Variants in MAGOHB observed in about 807,000 individuals in gnomAD.
The protein encoded by MAGOHB is protein mago nashi homolog 2.
A neutral mutation model predicts 20.9 loss-of-function variants in MAGOHB; 15 were observed. The ratio of observed to expected loss-of-function variants is 0.72; its 90% CI spans 0.48 to 1.11. The LOEUF (loss-of-function observed/expected upper bound fraction) is 1.11. MAGOHB is among the 50% of genes least tolerant of loss of function. The probability of loss-of-function intolerance (pLI) is 0.00; values close to 1 mark genes in which losing one functional copy is unlikely to be tolerated. For missense variants in MAGOHB, 162 were observed against 177.6 expected (o/e 0.91, Z 0.50); for synonymous variants, 50 against 57.9 (o/e 0.86, Z 0.62).
rs1865656374 is a variant in MAGOHB at position 10,607,839 on chromosome 12, CT to C, written c.347+14del. On this transcript the variant is annotated intron_variant, in intron 4 of 4. Transcript: ENST00000320756. ...TAATAATGAAAACTTCGCCAAAATG[CT>C]TTAACATACTTACTTTGACTGATTT... is the stretch of plus-strand genomic sequence containing the variant. 6.7e-7 allele frequency: 1 copy of C among 1,489,102 alleles called. No homozygotes were observed. The highest frequency in any genetic ancestry group is 1.4e-5 in the African/African-American group (1 of 71,012). 92.2% of individuals were successfully genotyped at this position (1,489,102 alleles called of 1,614,324 possible). A position where few individuals can be genotyped will look rare whatever the true frequency, so the allele number is the denominator to read the frequency against.
downstream of MAGOHB, among the ~76,000 whole-genome samples, chr12:10,603,207 C>A (rs898144188): frequency 1.3e-5 from 2 of 151,270 alleles, no homozygotes; most frequent in Admixed American, 1.3e-4. Context: ...CCAGCTACTC[C>A]GGAGGCTGAG....
At position 10,613,047 on chromosome 12, in the gene MAGOHB, C is replaced by T. The variant is rs901926282; in HGVS notation, c.94+392G>A. 28 of 873,622 alleles carry T rather than the reference C, an allele frequency of 3.2e-5. No homozygotes were observed. The African/African-American group carries it at 4.7e-4, about 15-fold the overall frequency. 54.1% of individuals were successfully genotyped at this position (873,622 alleles called of 1,614,324 possible). A position where few individuals can be genotyped will look rare whatever the true frequency, so the allele number is the denominator to read the frequency against. On this transcript the variant is annotated intron_variant, in intron 1 of 4. Coordinates refer to ENST00000320756, the MANE Select transcript of MAGOHB (RefSeq NM_018048.5). ...TTCTCATTTGTTAACACGTTGGGCT[C>T]CTCCCCTTCAAAGAAAACACACAGC... is the stretch of plus-strand genomic sequence containing the variant.
rs946333608 is a variant in MAGOHB at position 10,612,360 on chromosome 12, T to C, written c.94+1079A>G. On this transcript the variant is annotated intron_variant, in intron 1 of 4. Coordinates refer to ENST00000320756, the MANE Select transcript of MAGOHB (RefSeq NM_018048.5). Reference sequence around the variant, plus strand: ...TTGCAGTGAGCTGAGATCGTGCCACTGCACTCAGATCTGGGTGACAGAGTG... The same window carrying C: ...TTGCAGTGAGCTGAGATCGTGCCACCGCACTCAGATCTGGGTGACAGAGTG... Among the ~76,000 whole-genome samples the C allele has an allele frequency of 6.6e-4, 100 of 152,058 alleles. 1 individual carries two copies. The highest frequency in any genetic ancestry group is 2.4e-3 in the African/African-American group (98 of 41,498).
rs1376204596 is a variant in MAGOHB, at chr12:10,610,602, GACATTC to G, written c.153+14_153+19del. Reference sequence around the variant, plus strand: ...CAAAAAAAAAAAAAAAAAAAAAAAAGACATTCACATAGAACTTACCTCTTTTCTGAT... The same window carrying G: ...CAAAAAAAAAAAAAAAAAAAAAAAAGACATAGAACTTACCTCTTTTCTGAT... On this transcript the variant is annotated intron_variant, in intron 2 of 4. Transcript: ENST00000320756. The G allele has an allele frequency of 1.1e-6, 1 of 881,130 alleles. No homozygotes were observed. The highest frequency in any genetic ancestry group is 3.2e-5 in the African/African-American group (1 of 31,368). The allele number at this position is 881,130 out of a possible 1,614,324, so 54.6% of individuals were successfully genotyped here. A position where few individuals can be genotyped will look rare whatever the true frequency, so the allele number is the denominator to read the frequency against.
chr12:10,611,668 A>G (rs1865740012), intron 1 of MAGOHB, among the ~76,000 whole-genome samples: 3 of 149,324 alleles, frequency 2.0e-5, no homozygotes, highest in Non-Finnish European at 4.4e-5. Flanking sequence ...GAATCGCTTC[A>G]ATCCACGAGG....
In MAGOHB at chr12:10,604,736, A is replaced by G. The variant is rs1865594059; in HGVS notation, c.*1539T>C. Reference sequence around the variant, plus strand: ...CTGGAACAGAAACATTTTACATACAAAAGACCTGAAGATGATAGCGTACTT... The same window carrying G: ...CTGGAACAGAAACATTTTACATACAGAAGACCTGAAGATGATAGCGTACTT... On this transcript the variant is annotated 3_prime_UTR_variant, in exon 5 of 5. Transcript: ENST00000320756. The G allele has an allele frequency of 6.6e-6, 1 of 152,208 alleles. No homozygotes were observed. The highest frequency in any genetic ancestry group is 6.5e-5 in the Admixed American group (1 of 15,280). The allele number at this position is 152,208 out of a possible 1,614,324, so 9.4% of individuals were successfully genotyped here. A position where few individuals can be genotyped will look rare whatever the true frequency, so the allele number is the denominator to read the frequency against.
chr12:10,612,191 ATAAC>A (rs1202437510), intron 1 of MAGOHB, among the ~76,000 whole-genome samples: 8 of 11,724 alleles, frequency 6.8e-4, no homozygotes, highest in African/African-American at 1.6e-3. Context: ...TCTACAAAAA[ATAAC>A]ATAACATAAC....
rs138238887 is a variant in MAGOHB, at chr12:10,612,246, A to AT, written c.94+1192dup. ...ATAACATAACATAACATAACATAAC[A>AT]TAATTAGCTGGGTGAGGTGGCGTGG... is the stretch of plus-strand genomic sequence containing the variant. On this transcript the variant is annotated intron_variant, in intron 1 of 4. Transcript: ENST00000320756. 2.9e-3 allele frequency among the ~76,000 whole-genome samples: 398 copies of AT among 137,972 alleles called. 1 individual carries two copies. The highest frequency in any genetic ancestry group is 5.2e-3 in the Non-Finnish European group (323 of 62,160). 90.5% of individuals were successfully genotyped at this position (137,972 alleles called of 152,430 possible). A position where few individuals can be genotyped will look rare whatever the true frequency, so the allele number is the denominator to read the frequency against.
chr12:10,609,658 G>C, intron 3 of MAGOHB, 173 bp downstream of exon 3: 1 of 586,286 alleles, frequency 1.7e-6, no homozygotes, highest in Non-Finnish European at 3.0e-6. Flanking sequence ...TCACTACTAG[G>C]AGGTAGCACA....
chr12:10,609,980 T>G, intron 2 of MAGOHB, 39 bp from the exon 3 acceptor site: 1 of 1,138,706 alleles, frequency 8.8e-7, no homozygotes, highest in Non-Finnish European at 1.3e-6. Context: ...AATGCCCACC[T>G]ATGTCACCCC....
downstream of MAGOHB, among the ~76,000 whole-genome samples, chr12:10,600,012 GTCTC>G (rs147760550): frequency 0.021 from 3,213 of 152,102 alleles, 40 homozygotes; most frequent in Non-Finnish European, 0.031. Context: ...TTAAATAACA[GTCTC>G]TCTGTTGGAA....
At position 10,609,811 on chromosome 12, in the gene MAGOHB, A is replaced by G; in HGVS notation, c.264+20T>C. ...TCAATTTTTAATATTTATACACTTA[A>G]AGAATCACTAAATACAAACCTGTCG... On this transcript the variant is annotated intron_variant, in intron 3 of 4. Coordinates refer to ENST00000320756, the MANE Select transcript of MAGOHB (RefSeq NM_018048.5). The G allele has an allele frequency of 7.0e-7, 1 of 1,428,334 alleles. No homozygotes were observed. Among genetic ancestry groups the G allele is most frequent in the Non-Finnish European group, 9.9e-7 (1 of 1,015,140 alleles). 88.5% of individuals were successfully genotyped at this position (1,428,334 alleles called of 1,614,324 possible). A position where few individuals can be genotyped will look rare whatever the true frequency, so the allele number is the denominator to read the frequency against.
At position 10,604,744 on chromosome 12, in the gene MAGOHB, G is replaced by A. The variant is rs1304978613; in HGVS notation, c.*1531C>T. On this transcript the variant is annotated 3_prime_UTR_variant, in exon 5 of 5. Transcript: ENST00000320756. ...GAAACATTTTACATACAAAAGACCT[G>A]AAGATGATAGCGTACTTGCATAATG... The A allele has an allele frequency of 1.3e-5, 2 of 152,168 alleles. No individual in the cohort carries two copies. The highest frequency in any genetic ancestry group is 2.9e-5 in the Non-Finnish European group (2 of 68,022). The allele number at this position is 152,168 out of a possible 1,614,324, so 9.4% of individuals were successfully genotyped here.
downstream of MAGOHB, chr12:10,599,672 TG>T (rs528607208): frequency 2.0e-5 from 3 of 152,206 alleles, no homozygotes; most frequent in Non-Finnish European, 2.9e-5. Flanking sequence ...CAAAATTTTC[TG>T]CCCCACCTCT....
rs1445492544 is a variant in MAGOHB at position 10,607,947 on chromosome 12, T to C, written c.265-11A>G. On this transcript the variant is annotated splice_polypyrimidine_tract_variant and intron_variant, in intron 3 of 4. Transcript: ENST00000320756. ...TACAATTTCAAGCTCCTAAAAAATA[T>C]AGCAGAAAAATGTAGTTAATATAAA... The C allele has an allele frequency of 1.3e-6, 2 of 1,489,826 alleles. No homozygotes were observed. The highest frequency in any genetic ancestry group is 9.2e-7 in the Non-Finnish European group (1 of 1,084,140). The allele number at this position is 1,489,826 out of a possible 1,614,324, so 92.3% of individuals were successfully genotyped here. A position where few individuals can be genotyped will look rare whatever the true frequency, so the allele number is the denominator to read the frequency against.
chr12:10,608,612 A>AAAAC (rs1263060640), intron 3 of MAGOHB: 118 of 151,836 alleles, frequency 7.8e-4, no homozygotes, highest in African/African-American at 2.6e-3. Context: ...AAAAAAAAAA[A>AAAAC]AAAAACCAAC....
rs1322756999 is a variant in MAGOHB at position 10,604,424 on chromosome 12, C to T, written c.*1851G>A. ...CATCTTGGTTTAAATATGAGAAATTCTAGTAGATAGTGGGGATAGAGCTAA... is the reference window on the plus strand; with the variant it reads ...CATCTTGGTTTAAATATGAGAAATTTTAGTAGATAGTGGGGATAGAGCTAA... On this transcript the variant is annotated 3_prime_UTR_variant, in exon 5 of 5. Coordinates refer to ENST00000320756, the MANE Select transcript of MAGOHB (RefSeq NM_018048.5). 1 of 152,084 alleles carries T rather than the reference C, an allele frequency of 6.6e-6. No homozygotes were observed. Among genetic ancestry groups the T allele is most frequent in the African/African-American group, 2.4e-5 (1 of 41,408 alleles). 9.4% of individuals were successfully genotyped at this position (152,084 alleles called of 1,614,324 possible).
At chr12:10,600,708 CAG>C (rs1452950388), downstream of MAGOHB, among the ~76,000 whole-genome samples, 6 of 152,182 alleles carry the variant, frequency 3.9e-5, no homozygotes, top group Non-Finnish European at 8.8e-5. Flanking sequence ...CACCATGAGG[CAG>C]ACCCTGCCAG....
intron 4 of MAGOHB, among the ~76,000 whole-genome samples, chr12:10,607,094 T>C (rs975303429): frequency 2.6e-5 from 4 of 152,186 alleles, no homozygotes; most frequent in Non-Finnish European, 5.9e-5. Flanking sequence ...TTAAAAGCAT[T>C]TGGATGGTCT....
Sources: allele counts gnomAD v4.1 joint callset (sites outside exome capture counted in the v4.1 genomes callset), GRCh38; gene constraint gnomAD v4.1.1; transcripts MANE v1.5; gene names NCBI Gene and HGNC (gene_info 2026-07-23, HGNC 2026-07-21).